ALK: variants seen among roughly 807,000 people sequenced by gnomAD.
ALK encodes ALK receptor tyrosine kinase.
In ALK, 74 loss-of-function variants were observed where a neutral mutation model predicts 163.1. The ratio of observed to expected loss-of-function variants is 0.45; its 90% confidence interval spans 0.38 to 0.55. The LOEUF is 0.55. ALK is among the 20% of genes least tolerant of loss of function. The pLI is 0.00. For synonymous variants in ALK, 960 were observed against 843.2 expected (o/e 1.14, Z -2.40); for missense variants, 2,063 against 2,105.3 (o/e 0.98, Z 0.39).
chr2:29,538,503 C>G (rs977898489), intron 3 of ALK, among the ~76,000 whole-genome samples: 16 of 152,164 alleles, frequency 1.1e-4, no homozygotes, highest in African/African-American at 3.9e-4. Context: ...GAGGCCCTCA[C>G]TCAGGAAACA....
At chr2:29,769,548 G>A (rs1487578497) in intron 1 of ALK, among the ~76,000 whole-genome samples, 1 of 152,126 alleles carries the variant, frequency 6.6e-6, no homozygotes, top group African/African-American at 2.4e-5. Context: ...CTAGCCCCAG[G>A]CCTGGCTCGG....
chr2:29,493,432 G>T (rs1671951220), intron 4 of ALK, among the ~76,000 whole-genome samples: 1 of 152,178 alleles, frequency 6.6e-6, no homozygotes, highest in Admixed American at 6.5e-5. Context: ...TCCCATAACA[G>T]AATGAGCTGT....
At chr2:29,213,828 A>T (rs539085577) in intron 24 of ALK, among the ~76,000 whole-genome samples, 156 bp downstream of exon 24, 6 of 152,304 alleles carry the variant, frequency 3.9e-5, no homozygotes, top group South Asian at 4.1e-4. Context: ...TCACAAAAAA[A>T]CAATAAAACA....
intron 3 of ALK, among the ~76,000 whole-genome samples, chr2:29,690,361 G>A (rs1270430644): frequency 6.6e-6 from 1 of 152,166 alleles, no homozygotes; most frequent in East Asian, 1.9e-4. Flanking sequence ...AGGAAGAATA[G>A]GAGCCTCCTC....
chr2:29,346,669 C>T (rs543566951), intron 5 of ALK, among the ~76,000 whole-genome samples: 3 of 152,344 alleles, frequency 2.0e-5, no homozygotes, highest in African/African-American at 2.4e-5. Context: ...TTTTATGTCC[C>T]GTCTTATGCC....
intron 5 of ALK, among the ~76,000 whole-genome samples, chr2:29,339,611 G>A (rs1007727914): frequency 2.0e-5 from 3 of 152,202 alleles, no homozygotes; most frequent in Non-Finnish European, 2.9e-5. Flanking sequence ...AGAGAAAATG[G>A]AAGTGGGCAA....
chr2:29,276,307 C>A (rs983846479), intron 9 of ALK, among the ~76,000 whole-genome samples: 2 of 152,186 alleles, frequency 1.3e-5, no homozygotes, highest in Non-Finnish European at 2.9e-5. Flanking sequence ...GTTTCTTTCC[C>A]CCACCCTTTC....
intron 3 of ALK, among the ~76,000 whole-genome samples, chr2:29,646,878 G>A (rs182688136): frequency 2.6e-4 from 39 of 152,166 alleles, no homozygotes; most frequent in African/African-American, 9.4e-4. Flanking sequence ...TGTACATTTT[G>A]CTTATTTTTC....
intron 1 of ALK, among the ~76,000 whole-genome samples, chr2:29,901,872 A>G (rs201603061): frequency 6.6e-6 from 1 of 152,306 alleles, no homozygotes; most frequent in East Asian, 1.9e-4. Flanking sequence ...TCCTCAGTTT[A>G]CAAAGAATTA....
At chr2:29,618,668 T>C (rs372081331) in intron 3 of ALK, among the ~76,000 whole-genome samples, 1 of 152,144 alleles carries the variant, frequency 6.6e-6, no homozygotes, top group South Asian at 2.1e-4. Context: ...CTACCCGTGA[T>C]ATGCAAAACC....
intron 3 of ALK, among the ~76,000 whole-genome samples, chr2:29,569,220 T>A (rs1243384189): frequency 1.3e-5 from 2 of 152,106 alleles, no homozygotes; most frequent in Non-Finnish European, 2.9e-5. Flanking sequence ...TTTTGCAAGT[T>A]TCCTTTCATT....
At chr2:29,374,903 G>A (rs1021574195) in intron 5 of ALK, among the ~76,000 whole-genome samples, 6 of 152,196 alleles carry the variant, frequency 3.9e-5, no homozygotes, top group African/African-American at 7.2e-5. Context: ...TACTAAGGTC[G>A]TGACTGCGAT....
intron 1 of ALK, among the ~76,000 whole-genome samples, chr2:29,844,691 C>A (rs13024453): frequency 0.5 from 76,662 of 151,866 alleles, 19,565 homozygotes; most frequent in African/African-American, 0.56. Context: ...TCCATTTCTA[C>A]GATTCATGAG....
chr2:29,731,437 T>C (rs546290108), intron 1 of ALK, among the ~76,000 whole-genome samples: 2 of 152,288 alleles, frequency 1.3e-5, no homozygotes, highest in African/African-American at 4.8e-5. Context: ...TGGCAATGAC[T>C]CCAGGAGCGG....
chr2:29,453,157 G>C (rs1022480569), intron 4 of ALK, among the ~76,000 whole-genome samples: 2 of 152,100 alleles, frequency 1.3e-5, no homozygotes, highest in Non-Finnish European at 1.5e-5. Context: ...GTTGGCATAA[G>C]GTGAAGTTAG....
chr2:29,230,659 C>T (rs549870881), intron 15 of ALK, among the ~76,000 whole-genome samples: 4 of 152,110 alleles, frequency 2.6e-5, no homozygotes, highest in Admixed American at 6.5e-5. Context: ...AGAGCTGAGG[C>T]GAGGCCATCA....
chr2:29,828,133 G>T (rs1450883768), intron 1 of ALK, among the ~76,000 whole-genome samples: 1 of 152,186 alleles, frequency 6.6e-6, no homozygotes, highest in African/African-American at 2.4e-5. Flanking sequence ...GCTGAAACTG[G>T]ATCCCTTCCT....
rs1363526543 is a variant in ALK, at chr2:29,749,158, T to TTA, written c.668-31463_668-31462dup. On this transcript the variant is annotated intron_variant, in intron 1 of 28. Transcript: ENST00000389048. ...GGCACATCAAAGTCACCTGGAGGGC[T>TTA]TATTAAAGCTCAAAGAGCTGCCCTC... Among the ~76,000 whole-genome samples, 4 of 152,114 alleles carry TTA rather than the reference T, an allele frequency of 2.6e-5. No individual in the cohort carries two copies. In the East Asian group the frequency reaches 7.7e-4, roughly 29 times the overall value.
intron 8 of ALK, among the ~76,000 whole-genome samples, 187 bp from the exon 9 acceptor site, chr2:29,297,244 A>G (rs115654887): frequency 1.7e-3 from 256 of 152,330 alleles, no homozygotes; most frequent in African/African-American, 6.0e-3. Flanking sequence ...CCCATTTCCT[A>G]GGATAACTGA....
Sources: allele counts gnomAD v4.1 joint callset (sites outside exome capture counted in the v4.1 genomes callset), GRCh38; gene constraint gnomAD v4.1.1; transcripts MANE v1.5; gene names NCBI Gene and HGNC (gene_info 2026-07-23, HGNC 2026-07-21).